LRRC37A: variants seen among roughly 807,000 people sequenced by gnomAD.
LRRC37A encodes leucine-rich repeat-containing protein 37A.
LRRC37A carries 3 observed loss-of-function variants against 35.4 expected under a neutral mutation model. The ratio of observed to expected loss-of-function variants is 0.08; its 90% CI spans 0.04 to 0.22. The LOEUF is 0.22. Ranked by LOEUF, LRRC37A falls within the 10% of genes least tolerant of loss-of-function variation. LRRC37A has a pLI of 1.00. For synonymous variants in LRRC37A, 23 were observed against 215.0 expected (o/e 0.11, Z 7.81); for missense variants, 67 against 565.3 (o/e 0.12, Z 8.94).
the LRRC37A span, chr17:46,267,411 G>A: frequency 6.2e-7 from 1 of 1,611,510 alleles, no homozygotes. Context: ...GGCTGTACAA[G>A]ATGAACCGCC....
At chr17:46,287,453 T>G in the LRRC37A span, among the ~76,000 whole-genome samples, 4 of 152,346 alleles carry the variant, frequency 2.6e-5, no homozygotes, top group East Asian at 7.7e-4. Context: ...CAAGTAGAAG[T>G]TACACTACAA....
the LRRC37A span, among the ~76,000 whole-genome samples, chr17:46,258,508 C>T: frequency 1.3e-5 from 2 of 151,640 alleles, no homozygotes; most frequent in South Asian, 2.1e-4. Context: ...CACGCCTGGC[C>T]GAAAAAGATT....
chr17:46,285,890 G>A, the LRRC37A span, among the ~76,000 whole-genome samples: 1 of 152,160 alleles, frequency 6.6e-6, no homozygotes, highest in South Asian at 2.1e-4. Context: ...CACACAGAGG[G>A]GCTCTCATCT....
At chr17:46,264,625 T>C in the LRRC37A span, among the ~76,000 whole-genome samples, 1 of 152,264 alleles carries the variant, frequency 6.6e-6, no homozygotes, top group Non-Finnish European at 1.5e-5. Context: ...GCATTCTGGC[T>C]ACATAGATCA....
At chr17:46,252,425 G>C in the LRRC37A span, among the ~76,000 whole-genome samples, 6 of 145,430 alleles carry the variant, frequency 4.1e-5, no homozygotes, top group Non-Finnish European at 9.4e-5. Flanking sequence ...CTCGCAGAGG[G>C]GGATTTGGCA....
chr17:46,252,000 A>T, the LRRC37A span, among the ~76,000 whole-genome samples: 2 of 152,236 alleles, frequency 1.3e-5, no homozygotes, highest in African/African-American at 4.8e-5. Flanking sequence ...CACTAGCATT[A>T]CATGACTATG....
the LRRC37A span, among the ~76,000 whole-genome samples, chr17:46,266,540 A>T: frequency 6.6e-6 from 1 of 152,120 alleles, no homozygotes; most frequent in African/African-American, 2.4e-5. Flanking sequence ...ATGAACGGGG[A>T]CGCGGGTGTG....
the LRRC37A span, among the ~76,000 whole-genome samples, chr17:46,274,377 G>A: frequency 0.11 from 15,296 of 143,456 alleles, 1 homozygote; most frequent in Middle Eastern, 0.18. Context: ...ACCAGAGTCT[G>A]TAGTCCAGGA....
the LRRC37A span, among the ~76,000 whole-genome samples, chr17:46,281,230 C>T: frequency 1.3e-5 from 2 of 152,100 alleles, no homozygotes; most frequent in East Asian, 1.9e-4. Context: ...CTTGCTCCCC[C>T]CACCCCTCAT....
chr17:46,274,460 TTG>T, the LRRC37A span, among the ~76,000 whole-genome samples: 1 of 152,182 alleles, frequency 6.6e-6, no homozygotes, highest in Non-Finnish European at 1.5e-5. Flanking sequence ...TGATTCGCAG[TTG>T]TGTGTGTGTG....
rs1348326994 is a variant in LRRC37A at position 46,327,924 on chromosome 17, G to A, written c.3054-468G>A. 3.4e-5 allele frequency among the ~76,000 whole-genome samples: 2 copies of A among 59,024 alleles called. 1 individual carries two copies. Among genetic ancestry groups the A allele is most frequent in the Admixed American group, 3.8e-4 (2 of 5,246 alleles). The allele number at this position is 59,024 out of a possible 152,430, so 38.7% of individuals were successfully genotyped here. On this transcript the variant is annotated intron_variant, in intron 7 of 13. Coordinates refer to ENST00000320254, the Ensembl canonical transcript of LRRC37A. Reference sequence around the variant, plus strand: ...TTGAATGCTCAAATTGTCCAGATTTGACCAATGCAGTCTTTGTTATTTTTT... The same window carrying A: ...TTGAATGCTCAAATTGTCCAGATTTAACCAATGCAGTCTTTGTTATTTTTT...
the LRRC37A span, among the ~76,000 whole-genome samples, chr17:46,263,940 G>T: frequency 6.6e-6 from 1 of 151,722 alleles, no homozygotes; most frequent in African/African-American, 2.4e-5. Flanking sequence ...CAAGTGATCT[G>T]CCCGCCTCAG....
At position 46,325,868 on chromosome 17, in the gene LRRC37A, G is replaced by T. The variant is rs1484811976; in HGVS notation, c.3054-2524G>T. Among the ~76,000 whole-genome samples, 6 of 72,614 alleles carry T rather than the reference G, an allele frequency of 8.3e-5. 1 individual carries two copies. The highest frequency in any genetic ancestry group is 5.6e-4 in the Admixed American group (4 of 7,170). The allele number at this position is 72,614 out of a possible 152,430, so 47.6% of individuals were successfully genotyped here. A position where few individuals can be genotyped will look rare whatever the true frequency, so the allele number is the denominator to read the frequency against. Reference sequence around the variant, plus strand: ...GTATTAGCAACTACTGATTCCAGATGAAAGTTATACAGGTGTTCATTATAC... The same window carrying T: ...GTATTAGCAACTACTGATTCCAGATTAAAGTTATACAGGTGTTCATTATAC... On this transcript the variant is annotated intron_variant, in intron 7 of 13. Coordinates refer to ENST00000320254, the Ensembl canonical transcript of LRRC37A.
the LRRC37A span, chr17:46,268,636 G>A: frequency 1.3e-6 from 2 of 1,553,532 alleles, no homozygotes; most frequent in African/African-American, 2.8e-5. Flanking sequence ...TATGTGAAAA[G>A]GTTTAACCCA....
chr17:46,253,623 CCTGCAATCGCAGGCA>C, the LRRC37A span, among the ~76,000 whole-genome samples: 1 of 146,298 alleles, frequency 6.8e-6, no homozygotes, highest in Non-Finnish European at 1.5e-5. Context: ...GCGGCGCGTG[CCTGCAATCGCAGGCA>C]CTTGGTAGGC....
chr17:46,255,549 A>G, the LRRC37A span, among the ~76,000 whole-genome samples: 1 of 150,568 alleles, frequency 6.6e-6, no homozygotes, highest in Non-Finnish European at 1.5e-5. Flanking sequence ...TATTTTTAGT[A>G]GAGATGGGGT....
chr17:46,276,645 G>A, the LRRC37A span, among the ~76,000 whole-genome samples: 1 of 152,146 alleles, frequency 6.6e-6, no homozygotes, highest in East Asian at 1.9e-4. Context: ...GGAAATTCTG[G>A]AAACCCATAA....
chr17:46,259,019 A>ATTTTTTCTTTTTTTTT, the LRRC37A span, among the ~76,000 whole-genome samples: 1 of 79,468 alleles, frequency 1.3e-5, no homozygotes, highest in Non-Finnish European at 2.2e-5. Context: ...CACCCGGCCT[A>ATTTTTTCTTTTTTTTT]TTTTTTTTTT....
the LRRC37A span, among the ~76,000 whole-genome samples, chr17:46,257,844 A>G: frequency 2.0e-5 from 3 of 151,872 alleles, no homozygotes; most frequent in East Asian, 5.8e-4. Flanking sequence ...ATGATCCCCA[A>G]CATTTAGCAG....
Sources: gnomAD v4.1 joint callset for allele counts (sites outside exome capture counted in the v4.1 genomes callset) on GRCh38, gnomAD v4.1.1 for gene constraint, MANE v1.5 for transcripts, NCBI Gene and HGNC (gene_info 2026-07-23, HGNC 2026-07-21) for gene names.